PWWP3A: variants seen among roughly 807,000 people sequenced by gnomAD.
PWWP3A encodes PWWP domain containing 3A, DNA repair factor, also known as PWWP domain-containing DNA repair factor 3A.
PWWP3A carries 53 observed loss-of-function variants against 79.0 expected under a neutral mutation model. The observed-to-expected ratio is 0.67, with a 90% CI of 0.54 to 0.84. The LOEUF is 0.84. PWWP3A is among the 40% of genes least tolerant of loss of function. PWWP3A has a pLI of 0.00. For missense variants in PWWP3A, 973 were observed against 948.0 expected (o/e 1.03, Z -0.35); for synonymous variants, 443 against 394.4 (o/e 1.12, Z -1.46).
At position 1,360,108 on chromosome 19, in the gene PWWP3A, C is replaced by T. The variant is rs374575203; in HGVS notation, c.215-28C>T. Reference sequence around the variant, plus strand: ...GCAGTGCCTGTGCAGTGAACGTAACCGGCATTGTGTATGTTCGGTCCTTGC... The same window carrying T: ...GCAGTGCCTGTGCAGTGAACGTAACTGGCATTGTGTATGTTCGGTCCTTGC... On this transcript the variant is annotated intron_variant, in intron 4 of 13. Coordinates refer to ENST00000591337, the MANE Select transcript of PWWP3A (RefSeq NM_001369789.1). This position sits in a 1 kb window ranked among gnomAD's most constrained non-coding sequence, Gnocchi z 4.4. The T allele has an allele frequency of 1.8e-5, 28 of 1,518,420 alleles. No individual in the cohort carries two copies. Among genetic ancestry groups the T allele is most frequent in the East Asian group, 4.5e-5 (2 of 43,998 alleles). The allele number at this position is 1,518,420 out of a possible 1,614,324, so 94.1% of individuals were successfully genotyped here.
At chr19:1,358,660 C>G in intron 4 of PWWP3A, 196 bp downstream of exon 4, 1 of 1,530,626 alleles carries the variant, frequency 6.5e-7, no homozygotes, top group Non-Finnish European at 8.7e-7. Flanking sequence ...AGAATTTGCC[C>G]CTAGAACCAC....
chr19:1,366,830 C>T (rs1315903081), intron 8 of PWWP3A, among the ~76,000 whole-genome samples: 4 of 152,264 alleles, frequency 2.6e-5, no homozygotes, highest in African/African-American at 7.2e-5. Flanking sequence ...TTAGAACCAT[C>T]GCATTGCATA....
chr19:1,358,509 G>A (rs1349223716), intron 4 of PWWP3A, 45 bp downstream of exon 4: 4 of 1,609,686 alleles, frequency 2.5e-6, no homozygotes, highest in South Asian at 1.1e-5. Flanking sequence ...CATAAAATAA[G>A]AGGTCATTTG....
intron 3 of PWWP3A, chr19:1,358,087 A>G (rs891669611): frequency 5.8e-5 from 20 of 344,084 alleles, no homozygotes; most frequent in African/African-American, 3.9e-4. Flanking sequence ...AAATCTAACA[A>G]AGGAGTGATT....
intron 13 of PWWP3A, among the ~76,000 whole-genome samples, chr19:1,374,777 C>G (rs1207092547): frequency 6.6e-6 from 1 of 152,162 alleles, no homozygotes; most frequent in African/African-American, 2.4e-5. Context: ...CACAGTGGCT[C>G]ATGCCTGTAA....
chr19:1,362,173 G>A lies in PWWP3A; in HGVS notation c.1112-77G>A. On this transcript the variant is annotated intron_variant, in intron 5 of 13. Transcript: ENST00000591337. ...TTTCTTTATGCATCGATGGTCATGTGTCATGAAATGTTTTCTTGGGATGAG... is the reference window on the plus strand; with the variant it reads ...TTTCTTTATGCATCGATGGTCATGTATCATGAAATGTTTTCTTGGGATGAG... 2.4e-6 allele frequency: 3 copies of A among 1,244,700 alleles called. No individual in the cohort carries two copies. The South Asian group carries it at 4.1e-5, about 17-fold the overall frequency. 77.1% of individuals were successfully genotyped at this position (1,244,700 alleles called of 1,614,324 possible).
At chr19:1,363,161 G>A (rs374701727) in intron 6 of PWWP3A, among the ~76,000 whole-genome samples, 2 of 152,210 alleles carry the variant, frequency 1.3e-5, no homozygotes, top group African/African-American at 4.8e-5. Context: ...GTGCAGCCTC[G>A]GGAGCGCCAT....
rs545930577 is a variant in PWWP3A, at chr19:1,355,527, C to T, written c.-70+392C>T. 2.1e-3 allele frequency among the ~76,000 whole-genome samples: 281 copies of T among 134,812 alleles called. 1 individual carries two copies. Among genetic ancestry groups the T allele is most frequent in the Non-Finnish European group, 3.5e-3 (217 of 62,846 alleles). The allele number at this position is 134,812 out of a possible 152,430, so 88.4% of individuals were successfully genotyped here. On this transcript the variant is annotated intron_variant, in intron 1 of 13. Transcript: ENST00000591337. ...CCCCCATCCCTGCCACCTGGACCCT[C>T]CGCTCCACCTCCTCCGTGAGCCCTC...
chr19:1,358,085 C>G, intron 3 of PWWP3A: 1 of 336,962 alleles, frequency 3.0e-6, no homozygotes. Context: ...GAAAATCTAA[C>G]AAAGGAGTGA....
chr19:1,366,477 G>C (rs2082132085), intron 8 of PWWP3A, 96 bp downstream of exon 8: 2 of 1,176,074 alleles, frequency 1.7e-6, no homozygotes, highest in Admixed American at 3.5e-5. Flanking sequence ...GGACAGAGGG[G>C]AGGCCCCGGC....
rs770892570 is a variant in PWWP3A, at chr19:1,369,225, C to G, written c.1423-40C>G. 7 of 1,604,368 alleles carry G rather than the reference C, an allele frequency of 4.4e-6. No homozygotes were observed. ...GCTTCTGAACCCAGGGTGCTTGGCA[C>G]TGCCTCCCACTGACGCCTGCTGCCC... On this transcript the variant is annotated intron_variant, in intron 9 of 13. Transcript: ENST00000591337. The surrounding 1 kb of genome is among the most constrained non-coding windows in gnomAD (Gnocchi z 4.0).
intron 13 of PWWP3A, 37 bp downstream of exon 13, chr19:1,373,197 T>C (rs2082299261): frequency 6.3e-7 from 1 of 1,580,640 alleles, no homozygotes; most frequent in South Asian, 1.1e-5. Flanking sequence ...GCCACTTGCG[T>C]CTCTGCCTTG....
Position 1,364,549 on chromosome 19 carries a change from A to G in PWWP3A, c.1254A>G (p.Lys418=), listed in dbSNP as rs371601349. Residue 418 remains lysine, a synonymous_variant, in exon 7 of 14, where the codon AAA becomes AAG. Transcript: ENST00000591337. The part of the protein sequence containing the change: ...SFEVGMLVWH[K]HKKYPFWPAV... ...AAGTAGGAATGCTAGTCTGGCATAA[A>G]CATAAAAAATACCCCTTCTGGCCAG... The G allele has an allele frequency of 6.2e-7, 1 of 1,609,116 alleles. No homozygotes were observed. The highest frequency in any genetic ancestry group is 8.5e-7 in the Non-Finnish European group (1 of 1,178,760).
chr19:1,361,117 T>G lies in PWWP3A; in HGVS notation c.1111+85T>G. ...AGACTGGGAGCCAGGCACGTGGGTG[T>G]TTTTGACCAGATTTTAATGAGATCG... On this transcript the variant is annotated intron_variant, in intron 5 of 13. Transcript: ENST00000591337. 5.3e-6 allele frequency: 7 copies of G among 1,308,516 alleles called. No individual in the cohort carries two copies. The South Asian group carries it at 1.5e-4, about 29-fold the overall frequency. The allele number at this position is 1,308,516 out of a possible 1,614,324, so 81.1% of individuals were successfully genotyped here.
chr19:1,358,821 T>C (rs2081945609), intron 4 of PWWP3A: 2 of 566,878 alleles, frequency 3.5e-6, no homozygotes, highest in South Asian at 1.5e-5. Context: ...TAAGATTTGC[T>C]GTGGTACTGT....
Position 1,360,157 on chromosome 19 carries a change from C to G in PWWP3A, c.236C>G (p.Ala79Gly), listed in dbSNP as rs375763919. The change falls in exon 5 of 14, where the codon GCG becomes GGG. Residue 79 changes from alanine (A) to glycine (G), a missense_variant. By Grantham distance (60) the Ala-to-Gly change is moderately conservative. Transcript: ENST00000591337. The surrounding 1 kb of genome is among the most constrained non-coding windows in gnomAD (Gnocchi z 4.4). ...SSLASQNEVP[A>G]APLEELAYRR... ...GCAGCCTCACAGAATGAGGTTCCTG[C>G]GGCACCCCTGGAAGAACTGGCCTAC... 6.4e-7 allele frequency: 1 copy of G among 1,567,808 alleles called. No homozygotes were observed. Among genetic ancestry groups the G allele is most frequent in the South Asian group, 1.2e-5 (1 of 83,670 alleles).
At chr19:1,376,299 T>G (rs1476295193) in intron 13 of PWWP3A, among the ~76,000 whole-genome samples, 7 of 91,220 alleles carry the variant, frequency 7.7e-5, no homozygotes, top group East Asian at 2.2e-4. Context: ...CTGTTTGTTT[T>G]TTTTTTTGTT....
Position 1,358,701 on chromosome 19 carries a change from G to A in PWWP3A, c.214+237G>A, listed in dbSNP as rs567864974. 1.1e-4 allele frequency: 172 copies of A among 1,514,890 alleles called. No individual in the cohort carries two copies. In the Middle Eastern group the frequency reaches 2.6e-3, roughly 22 times the overall value. The allele number at this position is 1,514,890 out of a possible 1,614,324, so 93.8% of individuals were successfully genotyped here. A position where few individuals can be genotyped will look rare whatever the true frequency, so the allele number is the denominator to read the frequency against. On this transcript the variant is annotated intron_variant, in intron 4 of 13. Transcript: ENST00000591337. The stretch of plus-strand genomic sequence containing the variant: ...TTCTTGACGCCCAGAATGGTCAGTG[G>A]TGAGCATCAAGGTCATCTCGTACCC...
intron 13 of PWWP3A, chr19:1,373,488 C>T (rs547265981): frequency 7.6e-4 from 249 of 328,660 alleles, no homozygotes; most frequent in Non-Finnish European, 1.3e-3. Flanking sequence ...TTCCACAGCC[C>T]CATGGCTGTG....
Sources: gnomAD v4.1 joint callset for allele counts (sites outside exome capture counted in the v4.1 genomes callset) on GRCh38, gnomAD v4.1.1 for gene constraint, Gnocchi (gnomAD v3.1) non-coding constraint, MANE v1.5 for transcripts, NCBI Gene and HGNC (gene_info 2026-07-23, HGNC 2026-07-21) for gene names.